The following DLGAP1 variants were observed in gnomAD, a reference collection of about 807,000 sequenced individuals.
The protein encoded by DLGAP1 is disks large-associated protein 1.
Under a neutral mutation model 90.8 loss-of-function variants are expected in DLGAP1, and 11 were observed. The observed-to-expected ratio is 0.12, with a 90% CI of 0.08 to 0.20. The LOEUF is 0.20. Ranked by LOEUF, DLGAP1 falls within the 10% of genes least tolerant of loss-of-function variation. DLGAP1 has a pLI of 1.00. For missense variants in DLGAP1, 1,050 were observed against 1,333.8 expected, an observed-to-expected ratio of 0.79 and a Z score of 3.31; for synonymous variants, 558 against 540.7, an observed-to-expected ratio of 1.03 and a Z score of -0.44.
At chr18:3,794,493 G>A (rs1226962382) in intron 5 of DLGAP1, among the ~76,000 whole-genome samples, 2 of 152,194 alleles carry the variant, frequency 1.3e-5, no homozygotes, top group African/African-American at 2.4e-5. Context: ...CACCTGGAAA[G>A]GGTCCCGTGG....
At chr18:4,201,092 T>C (rs2077597642) in intron 1 of DLGAP1, among the ~76,000 whole-genome samples, 1 of 151,874 alleles carries the variant, frequency 6.6e-6, no homozygotes. Context: ...TCTTCCATTC[T>C]ATAGGTTGTC....
chr18:4,131,358 A>G (rs188277982), intron 2 of DLGAP1, among the ~76,000 whole-genome samples: 3 of 152,240 alleles, frequency 2.0e-5, no homozygotes, highest in Non-Finnish European at 2.9e-5. Flanking sequence ...AGTGATATTT[A>G]AAAGTAAAAC....
At chr18:4,256,909 C>T (rs952241609) in intron 1 of DLGAP1, among the ~76,000 whole-genome samples, 2 of 152,116 alleles carry the variant, frequency 1.3e-5, no homozygotes, top group African/African-American at 4.8e-5. Flanking sequence ...AGGAGAAGGA[C>T]CATAACTGCT....
Position 4,378,036 on chromosome 18 carries a change from CTA to C in DLGAP1, c.-267+76968_-267+76969del, listed in dbSNP as rs1416027391. 1.3e-5 allele frequency among the ~76,000 whole-genome samples: 2 copies of C among 150,098 alleles called. No individual in the cohort carries two copies. Among genetic ancestry groups the C allele is most frequent in the African/African-American group, 4.9e-5 (2 of 41,062 alleles). ...TGATATGAAATCTATCTATTTTTGT[CTA>C]TGTGTTTTTATATATACATATTATA... On this transcript the variant is annotated intron_variant, in intron 1 of 12. Coordinates refer to ENST00000315677, the MANE Select transcript of DLGAP1 (RefSeq NM_004746.4). The surrounding 1 kb of genome is among the most constrained non-coding windows in gnomAD (Gnocchi z 4.5).
intron 8 of DLGAP1, among the ~76,000 whole-genome samples, chr18:3,570,354 G>A (rs1461558340): frequency 1.3e-5 from 2 of 150,430 alleles, no homozygotes; most frequent in African/African-American, 2.4e-5. Context: ...TCTCGGCTCA[G>A]TGCAACCTCC....
chr18:3,536,726 G>A (rs2052401850), intron 9 of DLGAP1, among the ~76,000 whole-genome samples: 1 of 152,130 alleles, frequency 6.6e-6, no homozygotes, highest in Non-Finnish European at 1.5e-5. Context: ...AAGACACCTT[G>A]TTCACAGATT....
rs547031150 is a variant in DLGAP1 at position 3,729,040 on chromosome 18, C to T, written c.1591+95G>A. On this transcript the variant is annotated intron_variant, in intron 7 of 12. Transcript: ENST00000315677. This position sits in a 1 kb window ranked among gnomAD's most constrained non-coding sequence, Gnocchi z 6.2. ...GACATGGGTGGTATCTTGTTCCTGGCAACTATGTGTGTTGACAGCAAGGGC... is the reference window on the plus strand; with the variant it reads ...GACATGGGTGGTATCTTGTTCCTGGTAACTATGTGTGTTGACAGCAAGGGC... 1 of 1,490,298 alleles carries T rather than the reference C, an allele frequency of 6.7e-7. No homozygotes were observed. The highest frequency in any genetic ancestry group is 2.3e-5 in the East Asian group (1 of 42,864). The allele number at this position is 1,490,298 out of a possible 1,614,324, so 92.3% of individuals were successfully genotyped here.
intron 9 of DLGAP1, among the ~76,000 whole-genome samples, chr18:3,537,248 C>T (rs1045310802): frequency 6.6e-6 from 1 of 152,184 alleles, no homozygotes; most frequent in African/African-American, 2.4e-5. Context: ...CCATGAAATG[C>T]TAACTCTCCA....
At chr18:4,059,091 T>C (rs2075264029) in intron 2 of DLGAP1, among the ~76,000 whole-genome samples, 1 of 152,084 alleles carries the variant, frequency 6.6e-6, no homozygotes, top group Admixed American at 6.5e-5. Context: ...GACCAGTACA[T>C]TTCAAAACCC....
chr18:4,391,496 T>C (rs552579198), intron 1 of DLGAP1, among the ~76,000 whole-genome samples: 28 of 152,262 alleles, frequency 1.8e-4, no homozygotes, highest in African/African-American at 6.3e-4. Flanking sequence ...CGAGTAATAT[T>C]CACCCCAATC....
chr18:4,394,421 A>T (rs541994957), intron 1 of DLGAP1, among the ~76,000 whole-genome samples: 8 of 152,348 alleles, frequency 5.3e-5, no homozygotes, highest in Non-Finnish European at 1.0e-4. Context: ...ATTTTGAAAG[A>T]ACTTACTTCA....
chr18:3,848,147 A>C (rs1033246051), intron 4 of DLGAP1, among the ~76,000 whole-genome samples: 13 of 148,276 alleles, frequency 8.8e-5, no homozygotes, highest in African/African-American at 3.2e-4. Flanking sequence ...AAAAAAAAAA[A>C]AAAAAAAAAA....
intron 4 of DLGAP1, among the ~76,000 whole-genome samples, chr18:3,838,886 G>T (rs1490410292): frequency 6.6e-6 from 1 of 151,922 alleles, no homozygotes; most frequent in Non-Finnish European, 1.5e-5. Context: ...CATTTCACAT[G>T]GTATTTTGTT....
At chr18:3,977,953 C>T in intron 3 of DLGAP1, 4 of 357,618 alleles carry the variant, frequency 1.1e-5, no homozygotes, top group Non-Finnish European at 2.2e-5. Context: ...TGCCAGTAAG[C>T]TTTCTATTCA....
intron 1 of DLGAP1, among the ~76,000 whole-genome samples, chr18:4,380,915 T>G (rs961848732): frequency 6.6e-6 from 1 of 152,108 alleles, no homozygotes; most frequent in Non-Finnish European, 1.5e-5. Flanking sequence ...ACATGTGACT[T>G]CCCTCCCTAT....
At chr18:4,269,650 G>T (rs1006880) in intron 1 of DLGAP1, among the ~76,000 whole-genome samples, 1 of 151,948 alleles carries the variant, frequency 6.6e-6, no homozygotes, top group Admixed American at 6.6e-5. Context: ...CACCGCGCCC[G>T]GCCATATTCT....
intron 5 of DLGAP1, among the ~76,000 whole-genome samples, chr18:3,812,805 C>T (rs1047993718): frequency 6.6e-6 from 1 of 152,078 alleles, no homozygotes; most frequent in African/African-American, 2.4e-5. Context: ...TTTCAGTGCT[C>T]TTGATTAACA....
At chr18:3,846,056 G>GTGTA (rs1050229165) in intron 4 of DLGAP1, among the ~76,000 whole-genome samples, 5 of 151,490 alleles carry the variant, frequency 3.3e-5, no homozygotes, top group African/African-American at 1.2e-4. Context: ...GTGTGTGTGT[G>GTGTA]TGTGTGTGTG....
At chr18:3,848,040 A>C (rs892127480) in intron 4 of DLGAP1, among the ~76,000 whole-genome samples, 3 of 136,910 alleles carry the variant, frequency 2.2e-5, no homozygotes, top group Non-Finnish European at 4.6e-5. Context: ...AGGTGGGAGG[A>C]TCCTTTGAGC....
Sources: allele counts gnomAD v4.1 joint callset (sites outside exome capture counted in the v4.1 genomes callset), GRCh38; gene constraint gnomAD v4.1.1; non-coding constraint Gnocchi (gnomAD v3.1); transcripts MANE v1.5; gene names NCBI Gene and HGNC (gene_info 2026-07-23, HGNC 2026-07-21).